PSMD4: variants seen among roughly 807,000 people sequenced by gnomAD.
PSMD4 encodes the protein proteasome 26S subunit ubiquitin receptor, non-ATPase 4, also known as 26S proteasome non-ATPase regulatory subunit 4.
Under a neutral mutation model 39.7 loss-of-function variants are expected in PSMD4, and 5 were observed. The observed-to-expected ratio is 0.13, with a 90% confidence interval of 0.07 to 0.26. The LOEUF is 0.26. PSMD4 is among the 10% of genes least tolerant of loss of function. PSMD4 has a pLI of 1.00. For missense variants in PSMD4, 272 were observed against 486.1 expected (o/e 0.56, Z 4.14); for synonymous variants, 143 against 174.6 (o/e 0.82, Z 1.43).
chr1:151,261,954 CAAAAA>C (rs11370693), intron 1 of PSMD4, among the ~76,000 whole-genome samples: 1 of 125,056 alleles, frequency 8.0e-6, no homozygotes. Context: ...GACCCTATCT[CAAAAA>C]AAAAAAAAAA....
At chr1:151,265,017 C>A in intron 4 of PSMD4, 99 bp downstream of exon 4, 1 of 1,354,968 alleles carries the variant, frequency 7.4e-7, no homozygotes, top group Non-Finnish European at 1.0e-6. Context: ...AGGCTCATCA[C>A]TTTGGGGAAA....
At chr1:151,262,787 A>G (rs1460842149) in intron 2 of PSMD4, 1 of 162,370 alleles carries the variant, frequency 6.2e-6, no homozygotes, top group Non-Finnish European at 1.4e-5. Context: ...GTGAGCCAAG[A>G]TCACACCACT....
chr1:151,264,765 G>T, intron 3 of PSMD4, 67 bp from the exon 4 acceptor site: 1 of 1,300,918 alleles, frequency 7.7e-7, no homozygotes, highest in South Asian at 1.2e-5. Context: ...AAAGGGAACC[G>T]AGTGACAGAG....
intron 2 of PSMD4, 103 bp downstream of exon 2, chr1:151,262,404 C>A: frequency 7.2e-7 from 1 of 1,393,320 alleles, no homozygotes; most frequent in Non-Finnish European, 1.0e-6. Flanking sequence ...CCTTCCTAGA[C>A]TGCCTTCTGC....
intron 9 of PSMD4, 94 bp downstream of exon 9, chr1:151,266,681 CT>C: frequency 7.1e-7 from 1 of 1,408,420 alleles, no homozygotes; most frequent in Non-Finnish European, 9.9e-7. Flanking sequence ...TAGCTAAGTC[CT>C]TTGAGGAGCA....
At chr1:151,266,695 G>A (rs587701704) in intron 9 of PSMD4, 108 bp downstream of exon 9, 1 of 1,299,756 alleles carries the variant, frequency 7.7e-7, no homozygotes, top group South Asian at 1.3e-5. Flanking sequence ...GAGGAGCAGA[G>A]GGAAACACAT....
At chr1:151,257,628 A>G (rs1385512621) in intron 1 of PSMD4, among the ~76,000 whole-genome samples, 2 of 148,036 alleles carry the variant, frequency 1.4e-5, no homozygotes, top group Non-Finnish European at 3.0e-5. Flanking sequence ...GCTCATTGCA[A>G]CCTCCGCCTC....
chr1:151,264,984 C>T, intron 4 of PSMD4, 66 bp downstream of exon 4: 2 of 1,460,738 alleles, frequency 1.4e-6, no homozygotes, highest in Non-Finnish European at 1.9e-6. Flanking sequence ...TTCCAGCCCT[C>T]AGGAGAACCT....
chr1:151,267,120 C>T lies in PSMD4; in HGVS notation c.964-53C>T, dbSNP rs200836869. The T allele has an allele frequency of 5.4e-4, 872 of 1,606,392 alleles. 2 individuals are homozygous for T. The highest frequency in any genetic ancestry group is 6.9e-4 in the Non-Finnish European group (812 of 1,173,160). On this transcript the variant is annotated intron_variant, in intron 9 of 9. Transcript: ENST00000368884. ...GGCATGCTCCTGTCCTTAACACCTGCTTACTTCCTGCCGCTCCATACCCTC... is the reference window on the plus strand; with the variant it reads ...GGCATGCTCCTGTCCTTAACACCTGTTTACTTCCTGCCGCTCCATACCCTC...
intron 1 of PSMD4, among the ~76,000 whole-genome samples, chr1:151,255,410 G>C (rs748441450): frequency 1.6e-4 from 24 of 152,198 alleles, no homozygotes; most frequent in African/African-American, 5.8e-4. Flanking sequence ...TAGTTAAGTG[G>C]TGGAGTCAAG....
At position 151,267,438 on chromosome 1, in the gene PSMD4, CTAAA is replaced by C; in HGVS notation, c.*100_*103del. Reference sequence around the variant, plus strand: ...GTGTGTTATCTGTAACCATTACAGCCTAAATAAAGCTTGGCAACTTTTTTTCCTT... The same window carrying C: ...GTGTGTTATCTGTAACCATTACAGCCTAAAGCTTGGCAACTTTTTTTCCTT... On this transcript the variant is annotated 3_prime_UTR_variant, in exon 10 of 10. Transcript: ENST00000368884. The C allele has an allele frequency of 7.0e-7, 1 of 1,425,698 alleles. No individual in the cohort carries two copies. Among genetic ancestry groups the C allele is most frequent in the East Asian group, 2.3e-5 (1 of 43,222 alleles). 88.3% of individuals were successfully genotyped at this position (1,425,698 alleles called of 1,614,324 possible).
At chr1:151,265,106 G>A in intron 4 of PSMD4, 60 bp from the exon 5 acceptor site, 1 of 1,400,202 alleles carries the variant, frequency 7.1e-7, no homozygotes, top group East Asian at 2.4e-5. Context: ...TTATGCGGCG[G>A]GTCCTTTCCC....
At chr1:151,261,133 A>G (rs1475808992) in intron 1 of PSMD4, among the ~76,000 whole-genome samples, 1 of 147,722 alleles carries the variant, frequency 6.8e-6, no homozygotes, top group African/African-American at 2.5e-5. Flanking sequence ...CTTGGGAGGC[A>G]TAAGTCACTG....
intron 1 of PSMD4, among the ~76,000 whole-genome samples, chr1:151,255,902 C>G (rs1172800241): frequency 1.3e-5 from 2 of 151,908 alleles, no homozygotes; most frequent in Non-Finnish European, 2.9e-5. Context: ...ACCTTGCCAG[C>G]ATCTGTTATT....
chr1:151,257,631 T>C (rs942949777), intron 1 of PSMD4, among the ~76,000 whole-genome samples: 2 of 150,470 alleles, frequency 1.3e-5, no homozygotes, highest in Non-Finnish European at 3.0e-5. Context: ...CATTGCAACC[T>C]CCGCCTCTCA....
chr1:151,263,798 C>G, intron 2 of PSMD4, 116 bp from the exon 3 acceptor site: 2 of 708,126 alleles, frequency 2.8e-6, no homozygotes, highest in Non-Finnish European at 2.2e-6. Context: ...GCCACGCACT[C>G]CAGCCTGGGT....
chr1:151,254,927 C>G (rs997845270), intron 1 of PSMD4, 119 bp downstream of exon 1: 6 of 1,287,620 alleles, frequency 4.7e-6, no homozygotes, highest in Middle Eastern at 2.8e-4. Flanking sequence ...GCCCTGGCCC[C>G]GGAGGTAAGG....
chr1:151,256,378 A>G, intron 1 of PSMD4, among the ~76,000 whole-genome samples: 1 of 148,658 alleles, frequency 6.7e-6, no homozygotes, highest in Non-Finnish European at 1.5e-5. Flanking sequence ...TAAATAAATA[A>G]ATAAATAAAT....
chr1:151,254,887 TG>T, intron 1 of PSMD4, 79 bp downstream of exon 1: 1 of 1,042,354 alleles, frequency 9.6e-7, no homozygotes, highest in Non-Finnish European at 1.3e-6. Context: ...GGGCCTGGGG[TG>T]GGGGCCAGGG....
Sources: gnomAD v4.1 joint callset for allele counts (sites outside exome capture counted in the v4.1 genomes callset) on GRCh38, gnomAD v4.1.1 for gene constraint, MANE v1.5 for transcripts, NCBI Gene and HGNC (gene_info 2026-07-23, HGNC 2026-07-21) for gene names.